The following SESTD1 variants were observed in gnomAD, a reference collection of about 807,000 sequenced individuals.
SESTD1 encodes the protein SEC14 domain and spectrin repeat-containing protein 1.
Under a neutral mutation model 101.7 loss-of-function variants are expected in SESTD1, and 43 were observed. The observed-to-expected ratio is 0.42, with a 90% confidence interval of 0.33 to 0.55. The LOEUF (loss-of-function observed/expected upper bound fraction) is 0.55. Ranked by LOEUF, SESTD1 falls within the 20% of genes least tolerant of loss-of-function variation. SESTD1 has a pLI of 0.07. For missense variants in SESTD1, 647 were observed against 815.1 expected, an observed-to-expected ratio of 0.79 and a Z score of 2.51; for synonymous variants, 283 against 286.8, an observed-to-expected ratio of 0.99 and a Z score of 0.13.
chr2:179,158,700 A>G (rs990331285), intron 5 of SESTD1, among the ~76,000 whole-genome samples: 5 of 152,226 alleles, frequency 3.3e-5, no homozygotes, highest in African/African-American at 7.2e-5. Flanking sequence ...ATGGAGAGCT[A>G]CAGAAAACTC....
intron 1 of SESTD1, among the ~76,000 whole-genome samples, chr2:179,250,085 A>G (rs576382528): frequency 6.6e-6 from 1 of 152,296 alleles, no homozygotes; most frequent in African/African-American, 2.4e-5. Context: ...TGAAAAGACA[A>G]GCTACAGAGT....
chr2:179,168,217 G>C (rs186080851), intron 5 of SESTD1, among the ~76,000 whole-genome samples: 1 of 152,044 alleles, frequency 6.6e-6, no homozygotes, highest in East Asian at 1.9e-4. Context: ...AATGAGAATG[G>C]AGACCTTTAT....
chr2:179,228,986 G>C (rs901326045), intron 1 of SESTD1, among the ~76,000 whole-genome samples: 1 of 152,030 alleles, frequency 6.6e-6, no homozygotes, highest in Admixed American at 6.6e-5. Flanking sequence ...AGAAAGCCCA[G>C]TCTACGTGAA....
chr2:179,179,012 C>G (rs2046061051), intron 3 of SESTD1, among the ~76,000 whole-genome samples: 1 of 152,160 alleles, frequency 6.6e-6, no homozygotes, highest in African/African-American at 2.4e-5. Context: ...TTAACTCTGT[C>G]ACATTCTCAC....
rs1376011121 is a variant in SESTD1 at position 179,132,445 on chromosome 2, A to AT, written c.850-20dup. ...TCACCACCTATAAACAAAAGTTGAGATAACATTTTTTAAAGAATCAGAAAC... is the reference window on the plus strand; with the variant it reads ...TCACCACCTATAAACAAAAGTTGAGATTAACATTTTTTAAAGAATCAGAAAC... On this transcript the variant is annotated intron_variant, in intron 9 of 17. Transcript: ENST00000428443. 6.6e-7 allele frequency: 1 copy of AT among 1,512,666 alleles called. No homozygotes were observed. The highest frequency in any genetic ancestry group is 2.1e-5 in the African/African-American group (1 of 46,520). The allele number at this position is 1,512,666 out of a possible 1,614,324, so 93.7% of individuals were successfully genotyped here. A position where few individuals can be genotyped will look rare whatever the true frequency, so the allele number is the denominator to read the frequency against.
chr2:179,134,695 T>C (rs749152664), intron 9 of SESTD1, among the ~76,000 whole-genome samples: 21 of 152,298 alleles, frequency 1.4e-4, no homozygotes, highest in Non-Finnish European at 1.8e-4. Context: ...CCAATGATGA[T>C]GTAATACTAA....
At chr2:179,148,869 G>T (rs953584835) in intron 7 of SESTD1, among the ~76,000 whole-genome samples, 1 of 151,788 alleles carries the variant, frequency 6.6e-6, no homozygotes, top group African/African-American at 2.4e-5. Context: ...GACCATTCTG[G>T]GTAACATGGT....
chr2:179,171,143 T>C (rs1026088578), intron 5 of SESTD1, among the ~76,000 whole-genome samples: 1 of 152,154 alleles, frequency 6.6e-6, no homozygotes, highest in African/African-American at 2.4e-5. Context: ...CCTGATTTCT[T>C]GATTGTGGTT....
chr2:179,179,803 T>TGACTCTCTTCTGATCCCCCTCCC (rs1247061844), intron 3 of SESTD1, among the ~76,000 whole-genome samples: 10 of 152,144 alleles, frequency 6.6e-5, no homozygotes, highest in African/African-American at 2.4e-4. Flanking sequence ...ACCTGACTCC[T>TGACTCTCTTCTGATCCCCCTCCC]GACTCTCTTC....
At position 179,237,849 on chromosome 2, in the gene SESTD1, C is replaced by T. The variant is rs372099890; in HGVS notation, c.-26+26650G>A. ...CTTGCCAGAATAACAGAGATCCAGTCATGGCATACAAATTTGGAAATGAAA... is the reference window on the plus strand; with the variant it reads ...CTTGCCAGAATAACAGAGATCCAGTTATGGCATACAAATTTGGAAATGAAA... On this transcript the variant is annotated intron_variant, in intron 1 of 17. Coordinates refer to ENST00000428443, the MANE Select transcript of SESTD1 (RefSeq NM_178123.5). Among the ~76,000 whole-genome samples the T allele has an allele frequency of 4.3e-4, 66 of 152,184 alleles. 1 individual carries two copies. The South Asian group carries it at 0.013, about 31-fold the overall frequency.
At chr2:179,185,719 T>G (rs2046212741) in intron 2 of SESTD1, among the ~76,000 whole-genome samples, 1 of 118,426 alleles carries the variant, frequency 8.4e-6, no homozygotes, top group African/African-American at 3.6e-5. Context: ...ATATATAATA[T>G]AGCATATTAT....
intron 8 of SESTD1, among the ~76,000 whole-genome samples, chr2:179,145,880 T>C (rs1187455800): frequency 6.6e-6 from 1 of 152,198 alleles, no homozygotes; most frequent in African/African-American, 2.4e-5. Flanking sequence ...TAAGGAGTGT[T>C]CAATAATTCT....
chr2:179,149,512 G>T, intron 6 of SESTD1, 118 bp from the exon 7 acceptor site: 2 of 622,562 alleles, frequency 3.2e-6, no homozygotes, highest in Non-Finnish European at 5.2e-6. Context: ...TTCCCCAGCA[G>T]TTCGTGCAAT....
At chr2:179,143,082 G>A (rs2105440826) in intron 9 of SESTD1, among the ~76,000 whole-genome samples, 1 of 105,530 alleles carries the variant, frequency 9.5e-6, no homozygotes, top group Non-Finnish European at 1.9e-5. Flanking sequence ...TAGTATTTTA[G>A]CCTACTTTTC....
intron 1 of SESTD1, among the ~76,000 whole-genome samples, chr2:179,256,742 G>A (rs184419866): frequency 0.02 from 3,040 of 150,070 alleles, 39 homozygotes; most frequent in South Asian, 0.037. Flanking sequence ...AACCCGGGAG[G>A]CAGAGGTTGC....
rs764035948 is a variant in SESTD1 at position 179,119,702 on chromosome 2, G to A, written c.1442+2068C>T. Among the ~76,000 whole-genome samples the A allele has an allele frequency of 1.3e-3, 194 of 152,272 alleles. 2 individuals carry two copies. In the Middle Eastern group the frequency reaches 0.024, roughly 19 times the overall value. ...TGGTGGGAGATGACTGGATCATGGG[G>A]GCACATATCCCCCTTGCTGTTTTCA... is the stretch of plus-strand genomic sequence containing the variant. On this transcript the variant is annotated intron_variant, in intron 13 of 17. Transcript: ENST00000428443.
At chr2:179,250,559 T>C (rs919022733) in intron 1 of SESTD1, among the ~76,000 whole-genome samples, 1 of 152,240 alleles carries the variant, frequency 6.6e-6, no homozygotes, top group Non-Finnish European at 1.5e-5. Context: ...TTGCAGGTAC[T>C]GCCTTTTCTC....
rs1223175795 is a variant in SESTD1, at chr2:179,124,511, G to C, written c.1020C>G (p.Leu340=). 4 of 1,614,060 alleles carry C rather than the reference G, an allele frequency of 2.5e-6. No homozygotes were observed. Among genetic ancestry groups the C allele is most frequent in the Non-Finnish European group, 3.4e-6 (4 of 1,179,980 alleles). The part of the protein sequence containing the change: ...YVELNQQIAA[L]LNAGDEEDLV... Reference sequence around the variant, plus strand: ...GATCTTCCTCATCGCCAGCATTCAAGAGTGCTGCAATTTGCTGATTAAGTT... The same window carrying C: ...GATCTTCCTCATCGCCAGCATTCAACAGTGCTGCAATTTGCTGATTAAGTT... Residue 340 remains leucine (L), a synonymous_variant, in exon 11 of 18, where the codon CTC becomes CTG. Transcript: ENST00000428443.
chr2:179,146,908 T>TG (rs1227871171), intron 7 of SESTD1, among the ~76,000 whole-genome samples: 1 of 50,994 alleles, frequency 2.0e-5, no homozygotes, highest in Non-Finnish European at 3.4e-5. Flanking sequence ...TCCAGGGGTG[T>TG]GTGTGTGTGT....
Sources: gnomAD v4.1 joint callset for allele counts (sites outside exome capture counted in the v4.1 genomes callset) on GRCh38, gnomAD v4.1.1 for gene constraint, MANE v1.5 for transcripts, NCBI Gene and HGNC (gene_info 2026-07-23, HGNC 2026-07-21) for gene names.